CLSTN2: variants seen among roughly 807,000 people sequenced by gnomAD.
CLSTN2 encodes calsyntenin-2.
CLSTN2 carries 48 observed loss-of-function variants against 101.2 expected under a neutral mutation model. The observed-to-expected ratio is 0.47, with a 90% CI of 0.38 to 0.60. The LOEUF (loss-of-function observed/expected upper bound fraction) is 0.60. Among genes scored for constraint, CLSTN2 ranks in the 20% least tolerant of loss-of-function variants. The probability of loss-of-function intolerance (pLI) is 0.00; values close to 1 mark genes in which losing one functional copy is unlikely to be tolerated. For missense variants in CLSTN2, 1,160 were observed against 1,238.2 expected (o/e 0.94, Z 0.95); for synonymous variants, 481 against 463.6 (o/e 1.04, Z -0.48).
intron 1 of CLSTN2, among the ~76,000 whole-genome samples, chr3:139,956,887 T>G (rs2107812767): frequency 6.6e-6 from 1 of 152,290 alleles, no homozygotes; most frequent in East Asian, 1.9e-4. Flanking sequence ...TCCCCAAACT[T>G]AACTTTACCA....
intron 2 of CLSTN2, among the ~76,000 whole-genome samples, chr3:140,194,717 T>C (rs2010620491): frequency 6.6e-6 from 1 of 152,176 alleles, no homozygotes; most frequent in Admixed American, 6.5e-5. Context: ...GAATTCCAGG[T>C]TCTCTCCTTG....
At chr3:140,100,147 CTTTT>C (rs34115783) in intron 1 of CLSTN2, among the ~76,000 whole-genome samples, 1 of 145,416 alleles carries the variant, frequency 6.9e-6, no homozygotes. Context: ...TTGCATTTCT[CTTTT>C]TTTTTTTTTT....
In CLSTN2 at chr3:140,577,389, C is replaced by G. The variant is rs1002246000; in HGVS notation, c.*11136C>G. 1 of 152,100 alleles carries G rather than the reference C, an allele frequency of 6.6e-6. No individual in the cohort carries two copies. The highest frequency in any genetic ancestry group is 2.4e-5 in the African/African-American group (1 of 41,420). 9.4% of individuals were successfully genotyped at this position (152,100 alleles called of 1,614,324 possible). On this transcript the variant is annotated 3_prime_UTR_variant, in exon 17 of 17. Transcript: ENST00000458420. ...GTGAATAAATATGATTTTAGAATTT[C>G]ACAGTAAAGATGACCTCTGAGAGTT...
chr3:140,364,061 A>T (rs1338617338), intron 2 of CLSTN2, among the ~76,000 whole-genome samples: 1 of 152,200 alleles, frequency 6.6e-6, no homozygotes, highest in South Asian at 2.1e-4. Flanking sequence ...AAGGTCCTTC[A>T]TTGCTGTACT....
intron 2 of CLSTN2, among the ~76,000 whole-genome samples, chr3:140,176,343 G>T (rs934928483): frequency 6.6e-6 from 1 of 152,158 alleles, no homozygotes; most frequent in Non-Finnish European, 1.5e-5. Flanking sequence ...TGCTGAAGTG[G>T]CCTGTGGAGT....
chr3:140,250,893 A>G, intron 2 of CLSTN2, among the ~76,000 whole-genome samples: 1 of 152,218 alleles, frequency 6.6e-6, no homozygotes, highest in South Asian at 2.1e-4. Context: ...TGGAAAAGAT[A>G]TTGCTTTTTG....
rs1016330241 is a variant in CLSTN2, at chr3:140,572,113, C to G, written c.*5860C>G. 1.3e-5 allele frequency: 2 copies of G among 152,224 alleles called. No homozygotes were observed. The highest frequency in any genetic ancestry group is 2.4e-5 in the African/African-American group (1 of 41,432). 9.4% of individuals were successfully genotyped at this position (152,224 alleles called of 1,614,324 possible). On this transcript the variant is annotated 3_prime_UTR_variant, in exon 17 of 17. Transcript: ENST00000458420. Reference sequence around the variant, plus strand: ...CCTTTGTGGTGTTGGAAGCTGTGCACGAGCAGTCAGGACTTTGGGGACAGA... The same window carrying G: ...CCTTTGTGGTGTTGGAAGCTGTGCAGGAGCAGTCAGGACTTTGGGGACAGA...
At chr3:140,436,538 T>G (rs2088689317) in intron 5 of CLSTN2, among the ~76,000 whole-genome samples, 1 of 152,166 alleles carries the variant, frequency 6.6e-6, no homozygotes. Context: ...ACAAGGTAGG[T>G]CTCCTCGGGG....
intron 1 of CLSTN2, among the ~76,000 whole-genome samples, chr3:140,084,812 C>A (rs2008654370): frequency 6.6e-6 from 1 of 152,206 alleles, no homozygotes; most frequent in Admixed American, 6.5e-5. Flanking sequence ...ATTTTCTACT[C>A]CTGCTTACCT....
At chr3:140,184,675 G>C (rs147231253) in intron 2 of CLSTN2, among the ~76,000 whole-genome samples, 1 of 152,036 alleles carries the variant, frequency 6.6e-6, no homozygotes, top group Admixed American at 6.6e-5. Context: ...GGGCGTGGGG[G>C]GTAGGGTCAT....
At chr3:140,527,583 A>C (rs1935169864) in intron 8 of CLSTN2, among the ~76,000 whole-genome samples, 1 of 152,160 alleles carries the variant, frequency 6.6e-6, no homozygotes, top group African/African-American at 2.4e-5. Context: ...ATTCAGAAGA[A>C]AATAAATTGT....
intron 1 of CLSTN2, among the ~76,000 whole-genome samples, chr3:140,119,828 A>G (rs2009309343): frequency 6.6e-6 from 1 of 152,122 alleles, no homozygotes; most frequent in Admixed American, 6.6e-5. Flanking sequence ...TTGTCTTAGA[A>G]CACTGATTTG....
At chr3:140,076,103 G>A (rs556217843) in intron 1 of CLSTN2, among the ~76,000 whole-genome samples, 22 of 152,024 alleles carry the variant, frequency 1.4e-4, no homozygotes, top group East Asian at 7.7e-4. Context: ...ACCACCATCC[G>A]GCCTTCTGTA....
At chr3:140,439,419 G>C (rs2088734672) in intron 5 of CLSTN2, among the ~76,000 whole-genome samples, 1 of 152,220 alleles carries the variant, frequency 6.6e-6, no homozygotes, top group African/African-American at 2.4e-5. Flanking sequence ...CTGCCAGATA[G>C]ATGTGAAGCT....
intron 9 of CLSTN2, among the ~76,000 whole-genome samples, chr3:140,534,406 G>T (rs151121674): frequency 3.1e-4 from 47 of 152,274 alleles, no homozygotes; most frequent in African/African-American, 1.1e-3. Context: ...TGAGTTACAT[G>T]CCTACTGCCC....
At chr3:140,236,064 A>G (rs990450225) in intron 2 of CLSTN2, among the ~76,000 whole-genome samples, 2 of 151,970 alleles carry the variant, frequency 1.3e-5, no homozygotes, top group African/African-American at 4.8e-5. Context: ...TCAAGTAATA[A>G]CCCTGTAAAA....
chr3:139,979,208 T>A (rs1044710945), intron 1 of CLSTN2, among the ~76,000 whole-genome samples: 4 of 152,120 alleles, frequency 2.6e-5, no homozygotes, highest in Non-Finnish European at 5.9e-5. Context: ...TGGGCCTCCG[T>A]GCCTTTCCAC....
At chr3:140,522,849 G>A (rs1470852321) in intron 8 of CLSTN2, among the ~76,000 whole-genome samples, 1 of 151,894 alleles carries the variant, frequency 6.6e-6, no homozygotes, top group East Asian at 1.9e-4. Context: ...CTGCTCCTGT[G>A]GTTCCTGTTA....
chr3:140,480,663 C>T (rs1042291853), intron 8 of CLSTN2, among the ~76,000 whole-genome samples: 5 of 152,150 alleles, frequency 3.3e-5, no homozygotes, highest in African/African-American at 1.2e-4. Flanking sequence ...TGGTATCTCA[C>T]TGAGGTTTTG....
Sources: allele counts gnomAD v4.1 joint callset (sites outside exome capture counted in the v4.1 genomes callset), GRCh38; gene constraint gnomAD v4.1.1; transcripts MANE v1.5; gene names NCBI Gene and HGNC (gene_info 2026-07-23, HGNC 2026-07-21).